PTPRK: variants seen among roughly 807,000 people sequenced by gnomAD.
PTPRK encodes the protein receptor-type tyrosine-protein phosphatase kappa.
PTPRK carries 75 observed loss-of-function variants against 178.0 expected under a neutral mutation model. That is an observed-to-expected ratio of 0.42 (90% confidence interval 0.35 to 0.51). The LOEUF (loss-of-function observed/expected upper bound fraction) is 0.51, where lower values mean the gene tolerates loss of function less well. Among genes scored for constraint, PTPRK ranks in the 20% least tolerant of loss-of-function variants. PTPRK has a pLI of 0.02. For missense variants in PTPRK, 1,441 were observed against 1,797.8 expected, an observed-to-expected ratio of 0.80 and a Z score of 3.59; for synonymous variants, 637 against 620.6, an observed-to-expected ratio of 1.03 and a Z score of -0.39.
chr6:128,314,048 A>C (rs1434014430), intron 3 of PTPRK, among the ~76,000 whole-genome samples: 6 of 152,010 alleles, frequency 3.9e-5, no homozygotes, highest in African/African-American at 1.4e-4. Context: ...ATTTCCTTCC[A>C]TATTTAGGTC....
chr6:128,139,461 C>T (rs1037246396), intron 7 of PTPRK, among the ~76,000 whole-genome samples: 3 of 151,896 alleles, frequency 2.0e-5, no homozygotes, highest in Non-Finnish European at 2.9e-5. Flanking sequence ...CTTCTTTTTG[C>T]TTAAAGGTAC....
intron 7 of PTPRK, among the ~76,000 whole-genome samples, chr6:128,099,268 A>C (rs1788411994): frequency 6.6e-6 from 1 of 151,644 alleles, no homozygotes; most frequent in African/African-American, 2.4e-5. Context: ...TCTCAACTAC[A>C]TAACTCCCTT....
chr6:128,151,434 A>C (rs1391388205), intron 7 of PTPRK, among the ~76,000 whole-genome samples: 3 of 152,054 alleles, frequency 2.0e-5, no homozygotes, highest in South Asian at 4.1e-4. Flanking sequence ...TTAGTAGATT[A>C]TTACTAAATA....
At chr6:128,102,541 C>A (rs115947002) in intron 7 of PTPRK, among the ~76,000 whole-genome samples, 2,886 of 152,178 alleles carry the variant, frequency 0.019, 85 homozygotes, top group African/African-American at 0.065. Context: ...AATAGGGTTG[C>A]AGAAAATCTT....
intron 1 of PTPRK, among the ~76,000 whole-genome samples, chr6:128,469,264 C>A (rs1023610807): frequency 6.6e-6 from 1 of 152,084 alleles, no homozygotes; most frequent in Non-Finnish European, 1.5e-5. Flanking sequence ...TAGATGTATG[C>A]CAAGGGAAGC....
chr6:128,346,776 G>T (rs1832485953), intron 2 of PTPRK, among the ~76,000 whole-genome samples: 1 of 152,150 alleles, frequency 6.6e-6, no homozygotes, highest in South Asian at 2.1e-4. Flanking sequence ...AATACAGCCT[G>T]CCTCATAGGA....
chr6:128,006,008 C>T (rs1377157753), intron 14 of PTPRK: 3 of 1,533,960 alleles, frequency 2.0e-6, no homozygotes, highest in Non-Finnish European at 2.7e-6. Context: ...AGTTGTACAT[C>T]ACCCATTTTC....
In PTPRK at chr6:127,970,256, C is replaced by T. The variant is rs1773753357; in HGVS notation, c.4294G>A (p.Val1432Ile). 6.2e-7 allele frequency: 1 copy of T among 1,610,748 alleles called. No homozygotes were observed. Among genetic ancestry groups the T allele is most frequent in the Non-Finnish European group, 8.5e-7 (1 of 1,178,270 alleles). Reference protein sequence around the residue: ...APEQYRFCYDVALEYLESS With the variant: ...APEQYRFCYDIALEYLESS ...GATGATTCCAGGTACTCCAAAGCTA[C>T]ATCATAGCAGAAACGGTATTGCTCC... Residue 1432 changes from valine to isoleucine, a missense_variant, in exon 30 of 30, where the codon GTA becomes ATA. Physicochemically the swap from Val to Ile is conservative, Grantham distance 29. Coordinates refer to ENST00000368226, the MANE Select transcript of PTPRK (RefSeq NM_002844.4).
chr6:128,315,445 C>T (rs1356897963), intron 3 of PTPRK, among the ~76,000 whole-genome samples: 1 of 152,000 alleles, frequency 6.6e-6, no homozygotes, highest in Non-Finnish European at 1.5e-5. Flanking sequence ...AAGGGAATTC[C>T]AGTGGTGTGT....
intron 14 of PTPRK, 89 bp from the exon 15 acceptor site, chr6:128,005,333 G>A (rs1287552975): frequency 2.3e-6 from 3 of 1,300,272 alleles, no homozygotes; most frequent in Non-Finnish European, 3.2e-6. Context: ...GTGAGCCCGA[G>A]GATAATGTTA....
At chr6:128,062,124 C>T (rs1273650515) in intron 13 of PTPRK, 1 of 152,892 alleles carries the variant, frequency 6.5e-6, no homozygotes, top group African/African-American at 2.4e-5. Context: ...GCTGACCATA[C>T]TTGCATGTTA....
At chr6:128,433,768 C>T (rs772480161) in intron 1 of PTPRK, among the ~76,000 whole-genome samples, 11 of 150,886 alleles carry the variant, frequency 7.3e-5, no homozygotes, top group Non-Finnish European at 1.5e-4. Flanking sequence ...CCTCCTGCCT[C>T]GGCCTCCCAA....
intron 1 of PTPRK, among the ~76,000 whole-genome samples, chr6:128,450,833 T>A (rs1847695638): frequency 6.6e-6 from 1 of 152,226 alleles, no homozygotes; most frequent in African/African-American, 2.4e-5. Flanking sequence ...AAGGAAAGTA[T>A]ACATAAAGCA....
chr6:128,184,851 A>C (rs1400041249), intron 6 of PTPRK, 126 bp from the exon 7 acceptor site: 2 of 1,006,832 alleles, frequency 2.0e-6, no homozygotes, highest in Non-Finnish European at 2.8e-6. Context: ...TACTTGAAAG[A>C]AAACTAGAAG....
intron 1 of PTPRK, among the ~76,000 whole-genome samples, chr6:128,511,660 G>A (rs1857208547): frequency 1.3e-5 from 2 of 152,206 alleles, no homozygotes; most frequent in South Asian, 4.1e-4. Flanking sequence ...AGTTAGGAGA[G>A]ACAAATAAAT....
At chr6:128,453,729 A>G (rs927220388) in intron 1 of PTPRK, among the ~76,000 whole-genome samples, 9 of 152,138 alleles carry the variant, frequency 5.9e-5, no homozygotes, top group African/African-American at 1.9e-4. Flanking sequence ...AAGTAATAAA[A>G]CTTTGGAATT....
chr6:128,276,819 A>G (rs1213367207), intron 3 of PTPRK, among the ~76,000 whole-genome samples: 3 of 152,134 alleles, frequency 2.0e-5, no homozygotes, highest in Non-Finnish European at 2.9e-5. Flanking sequence ...TATTCCCTGA[A>G]AAAGTATACA....
intron 13 of PTPRK, among the ~76,000 whole-genome samples, chr6:128,016,129 A>G (rs899123409): frequency 6.6e-6 from 1 of 151,868 alleles, no homozygotes; most frequent in African/African-American, 2.4e-5. Context: ...AGATGTTAAA[A>G]GTTCATGGCT....
chr6:127,986,344 T>C (rs892664532), intron 21 of PTPRK, among the ~76,000 whole-genome samples: 2 of 152,210 alleles, frequency 1.3e-5, no homozygotes, highest in Non-Finnish European at 2.9e-5. Context: ...AAGCATAGCA[T>C]GTAGGGATTT....
Sources: gnomAD v4.1 joint callset for allele counts (sites outside exome capture counted in the v4.1 genomes callset) on GRCh38, gnomAD v4.1.1 for gene constraint, MANE v1.5 for transcripts, NCBI Gene and HGNC (gene_info 2026-07-23, HGNC 2026-07-21) for gene names.